Variants in CEP350 observed in about 807,000 individuals in gnomAD.
CEP350 encodes centrosome-associated protein 350.
CEP350 carries 126 observed loss-of-function variants against 331.8 expected under a neutral mutation model. The observed-to-expected ratio is 0.38, with a 90% CI of 0.33 to 0.44. The LOEUF is 0.44. CEP350 is among the 20% of genes least tolerant of loss of function. The probability of loss-of-function intolerance (pLI) is 1.00; values close to 1 mark genes in which losing one functional copy is unlikely to be tolerated. For missense variants in CEP350, 3,406 were observed against 3,634.6 expected (o/e 0.94, Z 1.62); for synonymous variants, 1,200 against 1,259.5 (o/e 0.95, Z 1.00).
chr1:180,014,786 A>G (rs1654865116), intron 10 of CEP350, among the ~76,000 whole-genome samples: 1 of 152,218 alleles, frequency 6.6e-6, no homozygotes, highest in African/African-American at 2.4e-5. Context: ...GTACTGAACA[A>G]GTACAGTTGA....
At chr1:180,047,093 G>T (rs1657168061) in intron 21 of CEP350, among the ~76,000 whole-genome samples, 1 of 152,182 alleles carries the variant, frequency 6.6e-6, no homozygotes, top group African/African-American at 2.4e-5. Flanking sequence ...TTGAGAGTTG[G>T]GGTGGGATCC....
intron 1 of CEP350, among the ~76,000 whole-genome samples, chr1:179,974,991 T>C (rs1651753172): frequency 6.7e-6 from 1 of 150,198 alleles, no homozygotes; most frequent in African/African-American, 2.5e-5. Context: ...ACCGTGTCTC[T>C]AAAAAAGAAA....
chr1:180,033,990 C>T lies in CEP350; in HGVS notation c.3854C>T (p.Pro1285Leu), dbSNP rs372917847. Residue 1285 changes from proline to leucine, a missense_variant, in exon 16 of 38, where the codon CCA becomes CTA. By Grantham distance (98) the Pro-to-Leu change is moderately conservative (BLOSUM62 -3). Around this residue, in one of 5 missense-constraint regions of CEP350, gnomAD observed 1,857 missense variants for 1,909.2 expected, o/e 0.97. Transcript: ENST00000367607. ...AGATCTAAGTCGTCAGTAATGCCTC[C>T]AACTATAACAGGATTTAAGCCTAAT... ...SERSKSSVMP[P>L]TITGFKPNAP... 3 of 1,613,710 alleles carry T rather than the reference C, an allele frequency of 1.9e-6. No homozygotes were observed. Among genetic ancestry groups the T allele is most frequent in the South Asian group, 1.1e-5 (1 of 91,068 alleles).
chr1:180,076,540 A>G (rs546010322), intron 28 of CEP350, among the ~76,000 whole-genome samples: 1 of 152,288 alleles, frequency 6.6e-6, no homozygotes, highest in African/African-American at 2.4e-5. Context: ...TGTAATCCCA[A>G]CACTTTGGGA....
At position 180,044,773 on chromosome 1, in the gene CEP350, C is replaced by T. The variant is rs1657010200; in HGVS notation, c.4622+600C>T. On this transcript the variant is annotated intron_variant, in intron 21 of 37. Transcript: ENST00000367607. ...AGCACACCAACATGGCACATGTATA[C>T]ATATGTAACAAACCTGCACATTGTG... is the stretch of plus-strand genomic sequence containing the variant. 4.0e-5 allele frequency among the ~76,000 whole-genome samples: 6 copies of T among 150,354 alleles called. 1 individual carries two copies. The South Asian group carries it at 1.3e-3, about 32-fold the overall frequency.
chr1:180,037,411 G>GGTTTTTTTTTTT (rs1444222858), intron 17 of CEP350, among the ~76,000 whole-genome samples: 2 of 139,788 alleles, frequency 1.4e-5, no homozygotes. Flanking sequence ...AATACTGAGG[G>GGTTTTTTTTTTT]TTTTTTTTTT....
intron 19 of CEP350, 101 bp downstream of exon 19, chr1:180,041,903 C>T: frequency 1.8e-6 from 2 of 1,120,432 alleles, no homozygotes; most frequent in Non-Finnish European, 1.3e-6. Flanking sequence ...TAAATGCATA[C>T]TTTGAATTAG....
chr1:179,971,384 T>C (rs1369036212), intron 1 of CEP350, among the ~76,000 whole-genome samples: 1 of 152,168 alleles, frequency 6.6e-6, no homozygotes, highest in Non-Finnish European at 1.5e-5. Context: ...AGTGTAGTAG[T>C]GCAATTATAG....
In CEP350 at chr1:180,016,337, A is replaced by G. The variant is rs1206839169; in HGVS notation, c.2174+367A>G. Among the ~76,000 whole-genome samples the G allele has an allele frequency of 2.6e-5, 4 of 152,306 alleles. No individual in the cohort carries two copies. In the South Asian group the frequency reaches 8.3e-4, roughly 32 times the overall value. On this transcript the variant is annotated intron_variant, in intron 11 of 37. Coordinates refer to ENST00000367607, the MANE Select transcript of CEP350 (RefSeq NM_014810.5). ...TGTCTACTGCTATTTAAAATTTCTT[A>G]TGTGTAAGAACAATTTAGCCATTGT...
chr1:179,994,396 G>A (rs1653322232), intron 5 of CEP350, among the ~76,000 whole-genome samples: 1 of 151,408 alleles, frequency 6.6e-6, no homozygotes, highest in Non-Finnish European at 1.5e-5. Flanking sequence ...TCTGATGGTA[G>A]CTACAGGACT....
Position 180,024,565 on chromosome 1 carries a change from A to G in CEP350, c.3533A>G (p.Lys1178Arg). The G allele has an allele frequency of 6.2e-7, 1 of 1,611,592 alleles. No homozygotes were observed. The highest frequency in any genetic ancestry group is 8.5e-7 in the Non-Finnish European group (1 of 1,178,990). ...ACTTCTTCTAAAGGAAAGAAAGGAA[A>G]AAAGGAAAAGACAGAATGTAAGTGG... ...SSTSSKGKKG[K>R]KEKTEWLDSF... The change falls in exon 14 of 38, where the codon AAA (lysine) becomes AGA (arginine). Residue 1178 changes from lysine (K) to arginine (R), a missense_variant. Lys to Arg is a conservative substitution (Grantham distance 26). Transcript: ENST00000367607.
chr1:179,955,191 C>A, intron 1 of CEP350, 49 bp downstream of exon 1: 1 of 1,310,178 alleles, frequency 7.6e-7, no homozygotes, highest in Non-Finnish European at 9.8e-7. Flanking sequence ...CGCTCAGCCT[C>A]AACTGTCTCT....
chr1:180,072,090 A>G (rs576615026), intron 27 of CEP350, among the ~76,000 whole-genome samples: 25 of 152,206 alleles, frequency 1.6e-4, no homozygotes, highest in South Asian at 1.0e-3. Context: ...GAGCACTCCT[A>G]TAAGGAATGT....
chr1:180,061,038 TAAC>T (rs553060536), intron 25 of CEP350, among the ~76,000 whole-genome samples: 89 of 152,322 alleles, frequency 5.8e-4, no homozygotes, highest in African/African-American at 1.8e-3. Flanking sequence ...AACTGAATAT[TAAC>T]AATTGTTAAC....
intron 27 of CEP350, among the ~76,000 whole-genome samples, chr1:180,067,911 C>T (rs1433984426): frequency 6.6e-6 from 1 of 152,162 alleles, no homozygotes; most frequent in African/African-American, 2.4e-5. Context: ...ATTTCATAGT[C>T]ATTCGCTATG....
chr1:180,046,037 C>G (rs1174264262), intron 21 of CEP350, among the ~76,000 whole-genome samples: 1 of 152,170 alleles, frequency 6.6e-6, no homozygotes, highest in East Asian at 1.9e-4. Flanking sequence ...TTTTACTTAC[C>G]TTTCAAGAAT....
At position 180,096,097 on chromosome 1, in the gene CEP350, A is replaced by G. The variant is rs1366363026; in HGVS notation, c.8979A>G (p.Leu2993=). 6.4e-7 allele frequency: 1 copy of G among 1,558,240 alleles called. No homozygotes were observed. Among genetic ancestry groups the G allele is most frequent in the African/African-American group, 1.4e-5 (1 of 73,704 alleles). Residue 2993 remains leucine (L), a synonymous_variant, in exon 36 of 38, where the codon TTA becomes TTG. Transcript: ENST00000367607. ...AAATATTTGCTGAGGATCCCAACTT[A>G]AATCAACCTGTCTGGATGAAGCCAT... The part of the protein sequence containing the change: ...FEEIFAEDPN[L]NQPVWMKPCR...
Position 180,011,953 on chromosome 1 carries a change from C to T in CEP350, c.1271C>T (p.Ser424Phe). 6.2e-7 allele frequency: 1 copy of T among 1,602,270 alleles called. No individual in the cohort carries two copies. Among genetic ancestry groups the T allele is most frequent in the South Asian group, 1.1e-5 (1 of 88,976 alleles). The change falls in exon 9 of 38, where the codon TCT (serine) becomes TTT (phenylalanine). Residue 424 changes from serine (S) to phenylalanine (F), a missense_variant. Around this residue, in one of 5 missense-constraint regions of CEP350, gnomAD observed 1,857 missense variants for 1,909.2 expected, o/e 0.97. Coordinates refer to ENST00000367607, the MANE Select transcript of CEP350 (RefSeq NM_014810.5). Reference protein sequence around the residue: ...RTGSSHLISTSSWRDGQKLVK... With the variant: ...RTGSSHLISTFSWRDGQKLVK... ...GGTAGTAGTCATCTTATAAGTACAT[C>T]TTCTTGGCGAGATGGACAAAAATTA...
Position 180,111,236 on chromosome 1 carries a change from G to T in CEP350, c.*75G>T, listed in dbSNP as rs1303872725. On this transcript the variant is annotated 3_prime_UTR_variant, in exon 38 of 38. Coordinates refer to ENST00000367607, the MANE Select transcript of CEP350 (RefSeq NM_014810.5). ...TTCTGCCTCCTGATGTACACCCATCGCCATCATAGCAAGAGTGCTTCTGGA... is the reference window on the plus strand; with the variant it reads ...TTCTGCCTCCTGATGTACACCCATCTCCATCATAGCAAGAGTGCTTCTGGA... 1.4e-5 allele frequency: 21 copies of T among 1,532,784 alleles called. No individual in the cohort carries two copies. The East Asian group carries it at 4.8e-4, about 35-fold the overall frequency. 94.9% of individuals were successfully genotyped at this position (1,532,784 alleles called of 1,614,324 possible). A position where few individuals can be genotyped will look rare whatever the true frequency, so the allele number is the denominator to read the frequency against.
Sources: allele counts gnomAD v4.1 joint callset (sites outside exome capture counted in the v4.1 genomes callset), GRCh38; gene constraint gnomAD v4.1.1; regional missense constraint gnomAD v4.1.1; transcripts MANE v1.5; gene names NCBI Gene and HGNC (gene_info 2026-07-23, HGNC 2026-07-21).